NCKAP5: variants seen among roughly 807,000 people sequenced by gnomAD.
The protein encoded by NCKAP5 is NCK associated protein 5.
Under a neutral mutation model 167.0 loss-of-function variants are expected in NCKAP5, and 92 were observed. The observed-to-expected ratio is 0.55, with a 90% confidence interval of 0.47 to 0.66. The LOEUF (loss-of-function observed/expected upper bound fraction) is 0.66. Among genes scored for constraint, NCKAP5 ranks in the 30% least tolerant of loss-of-function variants. The pLI is 0.00. For missense variants in NCKAP5, 2,378 were observed against 2,315.0 expected (o/e 1.03, Z -0.56); for synonymous variants, 891 against 877.4 (o/e 1.02, Z -0.27).
At chr2:133,093,879 G>A (rs2081266307) in intron 6 of NCKAP5, among the ~76,000 whole-genome samples, 1 of 152,206 alleles carries the variant, frequency 6.6e-6, no homozygotes, top group South Asian at 2.1e-4. Context: ...GGATGGTTAT[G>A]CCTCACTGTA....
intron 3 of NCKAP5, among the ~76,000 whole-genome samples, chr2:133,396,608 TCTCC>T (rs138612059): frequency 0.014 from 2,181 of 152,240 alleles, 51 homozygotes; most frequent in African/African-American, 0.049. Flanking sequence ...TACATGGTGT[TCTCC>T]CTGTGTGTCC....
the NCKAP5 span, among the ~76,000 whole-genome samples, chr2:133,673,954 T>C: frequency 1.3e-5 from 2 of 152,214 alleles, no homozygotes; most frequent in African/African-American, 4.8e-5. Context: ...TAGGAATCAA[T>C]GCCCCTGCTC....
At chr2:132,746,049 G>GT (rs1438744858) in intron 16 of NCKAP5, among the ~76,000 whole-genome samples, 42 of 150,876 alleles carry the variant, frequency 2.8e-4, no homozygotes, top group East Asian at 1.6e-3. Context: ...ACACTATCAG[G>GT]TTTTTTTTTA....
chr2:133,638,041 C>T, the NCKAP5 span, among the ~76,000 whole-genome samples: 1 of 152,112 alleles, frequency 6.6e-6, no homozygotes, highest in South Asian at 2.1e-4. Flanking sequence ...CCGATGATAG[C>T]AGATCTCTCA....
At chr2:133,308,954 C>T (rs1034196006) in intron 3 of NCKAP5, among the ~76,000 whole-genome samples, 6 of 151,356 alleles carry the variant, frequency 4.0e-5, no homozygotes, top group African/African-American at 1.2e-4. Context: ...TCATGATCCA[C>T]CCGCCTCGGC....
chr2:132,889,372 T>C (rs1692500205), intron 8 of NCKAP5, among the ~76,000 whole-genome samples: 1 of 152,216 alleles, frequency 6.6e-6, no homozygotes, highest in African/African-American at 2.4e-5. Flanking sequence ...GGAACATCAA[T>C]TCTTTTATGT....
intron 4 of NCKAP5, among the ~76,000 whole-genome samples, chr2:133,266,943 C>A (rs1005506138): frequency 2.0e-5 from 3 of 151,936 alleles, no homozygotes; most frequent in Non-Finnish European, 4.4e-5. Flanking sequence ...CCTACCCACT[C>A]CCCCTCCCCT....
intron 5 of NCKAP5, among the ~76,000 whole-genome samples, chr2:133,137,437 T>C (rs1433390712): frequency 6.6e-6 from 1 of 150,946 alleles, no homozygotes; most frequent in African/African-American, 2.4e-5. Context: ...TGTGTGTGTG[T>C]GTGTGTGTGT....
At chr2:133,587,037 C>T in the NCKAP5 span, among the ~76,000 whole-genome samples, 17 of 152,238 alleles carry the variant, frequency 1.1e-4, no homozygotes, top group East Asian at 2.9e-3. Context: ...CAGAGAAAGT[C>T]GAGGTAAAGG....
chr2:132,961,740 G>A (rs1221727881), intron 8 of NCKAP5, among the ~76,000 whole-genome samples: 3 of 152,142 alleles, frequency 2.0e-5, no homozygotes, highest in Non-Finnish European at 4.4e-5. Context: ...GAAATAAAAT[G>A]TACTTTTCAA....
intron 8 of NCKAP5, among the ~76,000 whole-genome samples, chr2:132,912,458 C>T (rs925419640): frequency 1.4e-4 from 21 of 152,216 alleles, no homozygotes; most frequent in African/African-American, 4.8e-4. Context: ...TTTCAGAGCC[C>T]GTCCATGACA....
intron 5 of NCKAP5, among the ~76,000 whole-genome samples, chr2:133,204,604 A>G (rs1056416500): frequency 1.3e-5 from 2 of 152,194 alleles, no homozygotes; most frequent in Non-Finnish European, 2.9e-5. Flanking sequence ...AAATCTTTAT[A>G]TGAGCCACGT....
intron 4 of NCKAP5, among the ~76,000 whole-genome samples, chr2:133,279,595 T>C (rs2089865444): frequency 6.6e-6 from 1 of 152,234 alleles, no homozygotes; most frequent in South Asian, 2.1e-4. Flanking sequence ...AGTAAGGAAA[T>C]TAGATTTATT....
chr2:133,170,736 T>C (rs79039623), intron 5 of NCKAP5, among the ~76,000 whole-genome samples: 2,520 of 152,318 alleles, frequency 0.017, 21 homozygotes, highest in Middle Eastern at 0.044. Flanking sequence ...GGAGTGACTA[T>C]TCCAAAGCCA....
chr2:133,481,453 T>C (rs187802641), intron 3 of NCKAP5, among the ~76,000 whole-genome samples: 19 of 152,348 alleles, frequency 1.2e-4, no homozygotes, highest in African/African-American at 4.1e-4. Flanking sequence ...TTTAAGACTT[T>C]TAAGTTCAGT....
chr2:132,779,709 A>T (rs2105005395), intron 15 of NCKAP5, among the ~76,000 whole-genome samples: 1 of 152,318 alleles, frequency 6.6e-6, no homozygotes, highest in Middle Eastern at 3.4e-3. Context: ...TGAATAAAAA[A>T]ATTTAAACAT....
At chr2:133,057,223 A>T (rs1342193986) in intron 6 of NCKAP5, among the ~76,000 whole-genome samples, 1 of 152,196 alleles carries the variant, frequency 6.6e-6, no homozygotes, top group Non-Finnish European at 1.5e-5. Flanking sequence ...ATTAATTGAG[A>T]CATAATATTA....
chr2:133,525,340 C>T (rs1352227849), intron 2 of NCKAP5, among the ~76,000 whole-genome samples: 1 of 152,148 alleles, frequency 6.6e-6, no homozygotes, highest in African/African-American at 2.4e-5. Context: ...TAATAATATT[C>T]AGTAGCTTCC....
intron 4 of NCKAP5, among the ~76,000 whole-genome samples, chr2:133,255,195 A>G (rs2088555100): frequency 6.6e-6 from 1 of 152,206 alleles, no homozygotes; most frequent in Non-Finnish European, 1.5e-5. Context: ...AATTAACTTG[A>G]GAGTTCTCCA....
Sources: allele counts gnomAD v4.1 joint callset (sites outside exome capture counted in the v4.1 genomes callset), GRCh38; gene constraint gnomAD v4.1.1; transcripts MANE v1.5; gene names NCBI Gene and HGNC (gene_info 2026-07-23, HGNC 2026-07-21).